ACTN1: variants seen among roughly 807,000 people sequenced by gnomAD.
ACTN1 encodes the protein alpha-actinin-1.
In ACTN1, 30 loss-of-function variants were observed where a neutral mutation model predicts 119.6. The ratio of observed to expected loss-of-function variants is 0.25; its 90% CI spans 0.19 to 0.34. The LOEUF (loss-of-function observed/expected upper bound fraction) is 0.34, where lower values mean the gene tolerates loss of function less well. ACTN1 is among the 10% of genes least tolerant of loss of function. ACTN1 has a pLI of 1.00. For missense variants in ACTN1, 764 were observed against 1,223.4 expected (o/e 0.62, Z 5.60); for synonymous variants, 429 against 472.6 (o/e 0.91, Z 1.20).
intron 2 of ACTN1, among the ~76,000 whole-genome samples, chr14:68,922,940 C>T (rs2034727548): frequency 6.6e-6 from 1 of 152,198 alleles, no homozygotes. Context: ...CTACCCATCT[C>T]CAACGATGAT....
chr14:68,904,621 T>C, intron 7 of ACTN1, 34 bp downstream of exon 7: 1 of 1,600,860 alleles, frequency 6.2e-7, no homozygotes, highest in Non-Finnish European at 8.6e-7. Context: ...AGGTGGGCGA[T>C]GGGCAAGAGA....
chr14:68,906,521 AGGAT>A (rs1266045312), intron 6 of ACTN1, among the ~76,000 whole-genome samples: 1 of 152,240 alleles, frequency 6.6e-6, no homozygotes, highest in Non-Finnish European at 1.5e-5. Flanking sequence ...AGCAGCCAGG[AGGAT>A]GAACACTGCC....
At chr14:68,901,765 C>A (rs1291106824) in intron 8 of ACTN1, among the ~76,000 whole-genome samples, 20 of 152,190 alleles carry the variant, frequency 1.3e-4, no homozygotes, top group Admixed American at 1.3e-3. Context: ...GTCGTGGAAC[C>A]CCTGTGTGGT....
intron 1 of ACTN1, among the ~76,000 whole-genome samples, chr14:68,940,578 C>T (rs55957667): frequency 0.063 from 9,587 of 151,884 alleles, 356 homozygotes; most frequent in African/African-American, 0.095. Flanking sequence ...GTATCTCACA[C>T]CAGCAATCCC....
At chr14:68,910,281 C>T (rs2033928241) in intron 4 of ACTN1, among the ~76,000 whole-genome samples, 1 of 152,224 alleles carries the variant, frequency 6.6e-6, no homozygotes, top group South Asian at 2.1e-4. Context: ...TTTGAGACAA[C>T]AGTTTTTCAA....
In ACTN1 at chr14:68,909,661, C is replaced by A. The variant is rs1176233462; in HGVS notation, c.516-265G>T. On this transcript the variant is annotated intron_variant, in intron 5 of 21. Coordinates refer to ENST00000394419, the MANE Select transcript of ACTN1 (RefSeq NM_001130004.2). The surrounding 1 kb of genome is among the most constrained non-coding windows in gnomAD (Gnocchi z 4.1). ...CCCGACCAAGGCCTATGGCCCTAGT[C>A]TGCTGTTCCAGAGCCCTGGGCTGGG... Among the ~76,000 whole-genome samples, 1 of 152,238 alleles carries A rather than the reference C, an allele frequency of 6.6e-6. No homozygotes were observed. The highest frequency in any genetic ancestry group is 1.5e-5 in the Non-Finnish European group (1 of 68,052).
intron 6 of ACTN1, among the ~76,000 whole-genome samples, chr14:68,908,521 A>G (rs1280226714): frequency 6.6e-6 from 1 of 152,082 alleles, no homozygotes; most frequent in Admixed American, 6.5e-5. Context: ...TTCCAACCCC[A>G]ACTCCAGGTC....
chr14:68,896,594 A>G (rs183899483), intron 8 of ACTN1, among the ~76,000 whole-genome samples: 1 of 152,282 alleles, frequency 6.6e-6, no homozygotes, highest in East Asian at 1.9e-4. Flanking sequence ...AGAATCTCAA[A>G]GACAACCCTT....
At position 68,878,295 on chromosome 14, in the gene ACTN1, G is replaced by T; in HGVS notation, c.2427+163C>A. The T allele has an allele frequency of 9.3e-7, 1 of 1,077,642 alleles. No homozygotes were observed. Among genetic ancestry groups the T allele is most frequent in the South Asian group, 1.9e-5 (1 of 52,848 alleles). The allele number at this position is 1,077,642 out of a possible 1,614,324, so 66.8% of individuals were successfully genotyped here. On this transcript the variant is annotated intron_variant, in intron 20 of 21. Coordinates refer to ENST00000394419, the MANE Select transcript of ACTN1 (RefSeq NM_001130004.2). The surrounding 1 kb of genome is among the most constrained non-coding windows in gnomAD (Gnocchi z 4.4). Reference sequence around the variant, plus strand: ...TACACACACGCCCGTGGCCGGGCCGGCTTTCAGGGAGCCATCTTCCCCAAG... The same window carrying T: ...TACACACACGCCCGTGGCCGGGCCGTCTTTCAGGGAGCCATCTTCCCCAAG...
rs912252532 is a variant in ACTN1, at chr14:68,934,207, G to A, written c.106-8535C>T. On this transcript the variant is annotated intron_variant, in intron 1 of 21. Transcript: ENST00000394419. The stretch of plus-strand genomic sequence containing the variant: ...ATGTATGACATGCTAAAACAAGCAC[G>A]CAGCAGACAGCTGTGCCTACCACAG... 3.9e-5 allele frequency among the ~76,000 whole-genome samples: 6 copies of A among 152,214 alleles called. No individual in the cohort carries two copies. The East Asian group carries it at 7.7e-4, about 20-fold the overall frequency.
chr14:68,964,913 G>C (rs778144498), intron 1 of ACTN1, among the ~76,000 whole-genome samples: 1 of 152,126 alleles, frequency 6.6e-6, no homozygotes, highest in Admixed American at 6.6e-5. Context: ...GTAAGGGCCC[G>C]CATGTGGATC....
intron 3 of ACTN1, 42 bp from the exon 4 acceptor site, chr14:68,912,284 G>A (rs551673045): frequency 2.3e-5 from 35 of 1,549,630 alleles, no homozygotes; most frequent in Middle Eastern, 1.7e-4. Flanking sequence ...GGGCCTCAGC[G>A]GGGACAGAAT....
intron 11 of ACTN1, chr14:68,887,466 T>C: frequency 1.9e-6 from 2 of 1,051,770 alleles, no homozygotes; most frequent in Non-Finnish European, 2.6e-6. Flanking sequence ...TTAATATGCT[T>C]TGTATTATAG....
At chr14:68,969,886 TG>T (rs1326581637) in intron 1 of ACTN1, among the ~76,000 whole-genome samples, 1 of 152,292 alleles carries the variant, frequency 6.6e-6, no homozygotes, top group East Asian at 1.9e-4. Flanking sequence ...TCTTCCAGCC[TG>T]GAAAGCCAAG....
Position 68,878,646 on chromosome 14 carries a change from G to A in ACTN1, c.2362-123C>T. On this transcript the variant is annotated intron_variant, in intron 19 of 21. Coordinates refer to ENST00000394419, the MANE Select transcript of ACTN1 (RefSeq NM_001130004.2). This position sits in a 1 kb window ranked among gnomAD's most constrained non-coding sequence, Gnocchi z 4.4. Reference sequence around the variant, plus strand: ...ACGGGGATGAGATTTATGGTTTTGGGGGTCAGGATAGGTAAAGGAACATAG... The same window carrying A: ...ACGGGGATGAGATTTATGGTTTTGGAGGTCAGGATAGGTAAAGGAACATAG... The A allele has an allele frequency of 6.4e-7, 1 of 1,553,942 alleles. No homozygotes were observed. Among genetic ancestry groups the A allele is most frequent in the Non-Finnish European group, 8.7e-7 (1 of 1,151,036 alleles).
intron 3 of ACTN1, among the ~76,000 whole-genome samples, chr14:68,917,866 G>A (rs1460660274): frequency 6.6e-6 from 1 of 152,112 alleles, no homozygotes; most frequent in East Asian, 1.9e-4. Context: ...AGTAGTTCAA[G>A]ACCAGCCTGG....
chr14:68,883,934 G>C (rs2031780786), intron 14 of ACTN1, among the ~76,000 whole-genome samples: 1 of 152,268 alleles, frequency 6.6e-6, no homozygotes, highest in Admixed American at 6.5e-5. Flanking sequence ...GAGAACTAGG[G>C]GCTGGAGGAT....
intron 1 of ACTN1, among the ~76,000 whole-genome samples, chr14:68,976,753 A>G (rs2037075512): frequency 1.3e-5 from 2 of 152,176 alleles, no homozygotes; most frequent in African/African-American, 4.8e-5. Flanking sequence ...CTGGACTTGG[A>G]GCTGGTTACT....
chr14:68,889,753 G>A (rs762482618), intron 11 of ACTN1, among the ~76,000 whole-genome samples: 1 of 151,982 alleles, frequency 6.6e-6, no homozygotes, highest in Non-Finnish European at 1.5e-5. Context: ...CATTGCATTC[G>A]ATCCTGGCAA....
Sources: gnomAD v4.1 joint callset for allele counts (sites outside exome capture counted in the v4.1 genomes callset) on GRCh38, gnomAD v4.1.1 for gene constraint, Gnocchi (gnomAD v3.1) non-coding constraint, MANE v1.5 for transcripts, NCBI Gene and HGNC (gene_info 2026-07-23, HGNC 2026-07-21) for gene names.